The following BMPR2 variants were observed in gnomAD, a reference collection of about 807,000 sequenced individuals.
BMPR2 encodes the protein bone morphogenetic protein receptor type 2, also known as bone morphogenetic protein receptor type-2.
A neutral mutation model predicts 100.8 loss-of-function variants in BMPR2; 29 were observed. The observed-to-expected ratio is 0.29, with a 90% confidence interval of 0.21 to 0.39. The LOEUF (loss-of-function observed/expected upper bound fraction) is 0.39, where lower values mean the gene tolerates loss of function less well. BMPR2 is among the 10% of genes least tolerant of loss of function. The pLI, the probability that BMPR2 is intolerant of heterozygous loss-of-function variation, is 1.00. For synonymous variants in BMPR2, 382 were observed against 442.3 expected (o/e 0.86, Z 1.71); for missense variants, 1,011 against 1,274.5 (o/e 0.79, Z 3.15).
chr2:202,463,688 G>T (rs1037757352), intron 1 of BMPR2, among the ~76,000 whole-genome samples: 1 of 152,178 alleles, frequency 6.6e-6, no homozygotes, highest in Non-Finnish European at 1.5e-5. Flanking sequence ...TCTCAGCAAT[G>T]TTGGTAAATA....
chr2:202,441,195 G>C (rs1024987728), intron 1 of BMPR2, among the ~76,000 whole-genome samples: 1 of 149,782 alleles, frequency 6.7e-6, no homozygotes, highest in East Asian at 1.9e-4. Flanking sequence ...TGCCCAGGGT[G>C]GTCTCGAACT....
chr2:202,523,150 A>AT (rs1486024552), intron 7 of BMPR2, among the ~76,000 whole-genome samples: 1 of 152,238 alleles, frequency 6.6e-6, no homozygotes, highest in Non-Finnish European at 1.5e-5. Context: ...ATCACTAATC[A>AT]TCAGAGAAAT....
intron 1 of BMPR2, among the ~76,000 whole-genome samples, chr2:202,405,821 C>T (rs1690880172): frequency 2.0e-5 from 3 of 151,474 alleles, no homozygotes; most frequent in African/African-American, 7.3e-5. Context: ...TAATGTCAGT[C>T]TAAGCAAAGA....
At position 202,560,205 on chromosome 2, in the gene BMPR2, T is replaced by C; in HGVS notation, c.*259T>C. 1 of 458,334 alleles carries C rather than the reference T, an allele frequency of 2.2e-6. No individual in the cohort carries two copies. Among genetic ancestry groups the C allele is most frequent in the South Asian group, 2.5e-5 (1 of 40,224 alleles). 28.4% of individuals were successfully genotyped at this position (458,334 alleles called of 1,614,324 possible). On this transcript the variant is annotated 3_prime_UTR_variant, in exon 13 of 13. Coordinates refer to ENST00000374580, the MANE Select transcript of BMPR2 (RefSeq NM_001204.7). ...TATTTGTCTGTTATGACCACAGAGT[T>C]ATATGTGTGTGTATCAAAAGTGGTC...
intron 3 of BMPR2, among the ~76,000 whole-genome samples, chr2:202,487,020 C>G (rs180700057): frequency 1.4e-3 from 210 of 152,262 alleles, no homozygotes; most frequent in African/African-American, 4.8e-3. Context: ...AGAAATTATG[C>G]TGTACAAATT....
chr2:202,527,059 T>G (rs1259317225), intron 7 of BMPR2, among the ~76,000 whole-genome samples: 1 of 152,046 alleles, frequency 6.6e-6, no homozygotes, highest in African/African-American at 2.4e-5. Context: ...AGACAAGGTT[T>G]CACCATATTG....
intron 1 of BMPR2, among the ~76,000 whole-genome samples, chr2:202,412,930 G>GTA (rs1691043373): frequency 6.6e-6 from 1 of 152,092 alleles, no homozygotes; most frequent in African/African-American, 2.4e-5. Flanking sequence ...GTGTGTGTGT[G>GTA]TACACACTTA....
At chr2:202,427,280 G>A (rs1691405906) in intron 1 of BMPR2, among the ~76,000 whole-genome samples, 1 of 149,768 alleles carries the variant, frequency 6.7e-6, no homozygotes, top group Non-Finnish European at 1.5e-5. Context: ...GGATTGCTTA[G>A]GCCCGGGAGA....
At chr2:202,428,405 TC>T (rs11325156) in intron 1 of BMPR2, among the ~76,000 whole-genome samples, 30,360 of 150,894 alleles carry the variant, frequency 0.2, 3,788 homozygotes, top group East Asian at 0.54. Context: ...TTTCTCTCTC[TC>T]TTTTTTTTTT....
intron 1 of BMPR2, among the ~76,000 whole-genome samples, chr2:202,437,728 T>G (rs1691642303): frequency 6.6e-6 from 1 of 150,654 alleles, no homozygotes; most frequent in Non-Finnish European, 1.5e-5. Flanking sequence ...ATATAGTCTT[T>G]GGTGACTGGC....
At chr2:202,434,508 A>G (rs1691567102) in intron 1 of BMPR2, among the ~76,000 whole-genome samples, 2 of 150,526 alleles carry the variant, frequency 1.3e-5, no homozygotes, top group African/African-American at 5.0e-5. Context: ...CCACCATGAC[A>G]ATGCTCCTGC....
intron 1 of BMPR2, among the ~76,000 whole-genome samples, chr2:202,419,703 GTATT>G (rs1264395441): frequency 1.3e-5 from 2 of 152,096 alleles, no homozygotes; most frequent in Non-Finnish European, 2.9e-5. Context: ...AAACAGTGAA[GTATT>G]TCAGTTTCCA....
rs191423050 is a variant in BMPR2, at chr2:202,522,433, G to C, written c.967+2232G>C. ...GAGGCAGGAGAATCGTTTGAACCTG[G>C]GAGGCAGAGGTTGCAATGAGCCGAG... On this transcript the variant is annotated intron_variant, in intron 7 of 12. Coordinates refer to ENST00000374580, the MANE Select transcript of BMPR2 (RefSeq NM_001204.7). 1.6e-4 allele frequency among the ~76,000 whole-genome samples: 24 copies of C among 151,736 alleles called. No individual in the cohort carries two copies. In the East Asian group the frequency reaches 4.5e-3, roughly 28 times the overall value.
At chr2:202,410,611 G>T (rs1690993565) in intron 1 of BMPR2, among the ~76,000 whole-genome samples, 2 of 151,718 alleles carry the variant, frequency 1.3e-5, no homozygotes, top group Admixed American at 6.6e-5. Flanking sequence ...ACAGTCTCTT[G>T]CTCTGTCACC....
chr2:202,377,285 A>G lies in BMPR2; in HGVS notation c.-190A>G. Reference sequence around the variant, plus strand: ...CCCCAGCCGCGAGGGAGAGAAATGAAGGGAATTTCTGCAGCGGCATGAAAG... The same window carrying G: ...CCCCAGCCGCGAGGGAGAGAAATGAGGGGAATTTCTGCAGCGGCATGAAAG... On this transcript the variant is annotated 5_prime_UTR_variant, in exon 1 of 13. Coordinates refer to ENST00000374580, the MANE Select transcript of BMPR2 (RefSeq NM_001204.7). 1 of 659,634 alleles carries G rather than the reference A, an allele frequency of 1.5e-6. No individual in the cohort carries two copies. The highest frequency in any genetic ancestry group is 2.8e-6 in the Non-Finnish European group (1 of 361,842). The allele number at this position is 659,634 out of a possible 1,614,324, so 40.9% of individuals were successfully genotyped here.
intron 1 of BMPR2, 59 bp downstream of exon 1, chr2:202,377,609 G>T: frequency 6.3e-7 from 1 of 1,575,704 alleles, no homozygotes; most frequent in Non-Finnish European, 8.7e-7. Flanking sequence ...GAGGGAGGGA[G>T]CCCGCAGAGG....
Position 202,565,733 on chromosome 2 carries a change from T to G in BMPR2, c.*5787T>G, listed in dbSNP as rs1048829. ...AACCCTACATTAATCAGGTATTATC[T>G]ATGGACATTTTTGTAGACCACTTTT... On this transcript the variant is annotated 3_prime_UTR_variant, in exon 13 of 13. Transcript: ENST00000374580. The G allele has an allele frequency of 0.5, 76,423 of 152,250 alleles. 19,844 individuals carry two copies. The highest frequency in any genetic ancestry group is 0.84 in the East Asian group (4,368 of 5,178). The allele number at this position is 152,250 out of a possible 1,614,324, so 9.4% of individuals were successfully genotyped here.
chr2:202,476,886 G>A (rs1432539869), intron 3 of BMPR2, among the ~76,000 whole-genome samples: 1 of 148,494 alleles, frequency 6.7e-6, no homozygotes, highest in Non-Finnish European at 1.5e-5. Flanking sequence ...TTCTCAAAAT[G>A]TCTCATTAAA....
chr2:202,485,706 C>T (rs572640309), intron 3 of BMPR2, among the ~76,000 whole-genome samples: 4 of 151,792 alleles, frequency 2.6e-5, no homozygotes, highest in Admixed American at 1.3e-4. Context: ...ACGACCATGC[C>T]TGCTTATTTT....
Sources: gnomAD v4.1 joint callset for allele counts (sites outside exome capture counted in the v4.1 genomes callset) on GRCh38, gnomAD v4.1.1 for gene constraint, MANE v1.5 for transcripts, NCBI Gene and HGNC (gene_info 2026-07-23, HGNC 2026-07-21) for gene names.